TNRC6B: variants seen among roughly 807,000 people sequenced by gnomAD.
TNRC6B encodes the protein trinucleotide repeat containing adaptor 6B.
A neutral mutation model predicts 203.6 loss-of-function variants in TNRC6B; 52 were observed. That is an observed-to-expected ratio of 0.26 (90% CI 0.20 to 0.32). The LOEUF is 0.32. Among genes scored for constraint, TNRC6B ranks in the 10% least tolerant of loss-of-function variants. The pLI, the probability that TNRC6B is intolerant of heterozygous loss-of-function variation, is 1.00. For missense variants in TNRC6B, 1,923 were observed against 2,286.2 expected, an observed-to-expected ratio of 0.84 and a Z score of 3.24; for synonymous variants, 838 against 845.7, an observed-to-expected ratio of 0.99 and a Z score of 0.16.
At chr22:40,251,091 T>A in intron 2 of TNRC6B, 88 bp from the exon 3 acceptor site, 1 of 1,129,862 alleles carries the variant, frequency 8.9e-7, no homozygotes, top group Non-Finnish European at 1.2e-6. Flanking sequence ...CAGCTTGGAT[T>A]ACTTGAGTTA....
chr22:40,277,191 T>C, intron 8 of TNRC6B, 40 bp downstream of exon 8: 1 of 1,493,564 alleles, frequency 6.7e-7, no homozygotes, highest in Non-Finnish European at 9.2e-7. Flanking sequence ...GTATCCCAAC[T>C]TTTAGGTTTA....
intron 1 of TNRC6B, among the ~76,000 whole-genome samples, chr22:40,078,715 C>T (rs1373243913): frequency 6.6e-6 from 1 of 151,906 alleles, no homozygotes; most frequent in Non-Finnish European, 1.5e-5. Flanking sequence ...GCCTCAGCCT[C>T]CCAAATAGCT....
chr22:40,206,528 T>C (rs1305605523), intron 1 of TNRC6B, among the ~76,000 whole-genome samples: 2 of 152,230 alleles, frequency 1.3e-5, no homozygotes, highest in Non-Finnish European at 2.9e-5. Context: ...AATTGGTATA[T>C]AAATTCAAAG....
intron 3 of TNRC6B, among the ~76,000 whole-genome samples, chr22:40,138,876 G>A (rs1371763109): frequency 6.6e-6 from 1 of 152,014 alleles, no homozygotes; most frequent in Non-Finnish European, 1.5e-5. Flanking sequence ...TAAAAATAAA[G>A]GTAAATTAAG....
chr22:40,103,789 T>G (rs939603797), intron 1 of TNRC6B, among the ~76,000 whole-genome samples: 1 of 150,724 alleles, frequency 6.6e-6, no homozygotes, highest in African/African-American at 2.4e-5. Context: ...ATTATAGGCA[T>G]GTGCCACCAC....
intron 3 of TNRC6B, among the ~76,000 whole-genome samples, chr22:40,132,480 C>G (rs1315568953): frequency 6.9e-6 from 1 of 144,626 alleles, no homozygotes; most frequent in Non-Finnish European, 1.5e-5. Context: ...AACTCCATCT[C>G]AATAAAGGCG....
Position 40,266,716 on chromosome 22 carries a change from C to G in TNRC6B, c.2486C>G (p.Pro829Arg), listed in dbSNP as rs758681855. 6.2e-7 allele frequency: 1 copy of G among 1,613,966 alleles called. No individual in the cohort carries two copies. Among genetic ancestry groups the G allele is most frequent in the South Asian group, 1.1e-5 (1 of 91,080 alleles). The change falls in exon 5 of 23, where the codon CCG (proline) becomes CGG (arginine). Residue 829 changes from proline to arginine, a missense_variant. Transcript: ENST00000454349. ...QHQQQQPPQQ[P>R]PPPQPEASGS... is the part of the protein sequence containing the mutation. ...CAACAGCAGCAGCCCCCACAGCAGC[C>G]GCCGCCACCACAACCAGAGGCTTCT...
intron 3 of TNRC6B, among the ~76,000 whole-genome samples, chr22:40,136,863 TATC>T (rs2068604224): frequency 6.6e-6 from 1 of 152,198 alleles, no homozygotes; most frequent in Admixed American, 6.5e-5. Flanking sequence ...AATATAACAT[TATC>T]ATTATCAAAG....
intron 3 of TNRC6B, among the ~76,000 whole-genome samples, chr22:40,153,970 GCTTT>G (rs766833688): frequency 2.9e-4 from 44 of 150,500 alleles, no homozygotes; most frequent in East Asian, 1.7e-3. Flanking sequence ...GAAATTATTG[GCTTT>G]CTTTATTTTT....
chr22:40,297,950 G>A lies in TNRC6B; in HGVS notation c.3709-2505G>A, dbSNP rs532722673. 1.7e-4 allele frequency among the ~76,000 whole-genome samples: 26 copies of A among 151,662 alleles called. 1 individual carries two copies. The highest frequency in any genetic ancestry group is 6.8e-3 in the Middle Eastern group (2 of 292). On this transcript the variant is annotated intron_variant, in intron 12 of 22. Transcript: ENST00000454349. Reference sequence around the variant, plus strand: ...ATCCTGGCTAACATGGTGAAACCCCGTCTCTACTAAAAAAAATACAAAAAA... The same window carrying A: ...ATCCTGGCTAACATGGTGAAACCCCATCTCTACTAAAAAAAATACAAAAAA...
chr22:40,320,914 G>C (rs1310706810), intron 21 of TNRC6B, among the ~76,000 whole-genome samples, 176 bp from the exon 22 acceptor site: 2 of 152,144 alleles, frequency 1.3e-5, no homozygotes, highest in Non-Finnish European at 2.9e-5. Flanking sequence ...ACTCCCACCT[G>C]TTTATCTCTT....
At chr22:40,224,416 T>C (rs1369806648) in intron 1 of TNRC6B, among the ~76,000 whole-genome samples, 1 of 152,174 alleles carries the variant, frequency 6.6e-6, no homozygotes, top group Non-Finnish European at 1.5e-5. Context: ...CCTTCACCCA[T>C]TTTTCTTTTG....
intron 1 of TNRC6B, among the ~76,000 whole-genome samples, chr22:40,093,593 G>A (rs754993436): frequency 2.0e-5 from 3 of 152,314 alleles, no homozygotes; most frequent in East Asian, 1.9e-4. Flanking sequence ...ACAATTCATC[G>A]TCAAAGTGCT....
At chr22:40,108,676 T>C (rs2068307485) in intron 1 of TNRC6B, among the ~76,000 whole-genome samples, 1 of 152,214 alleles carries the variant, frequency 6.6e-6, no homozygotes, top group Non-Finnish European at 1.5e-5. Context: ...CTGTTGTTGC[T>C]CAAGCTAGAC....
chr22:40,175,619 C>T (rs554959653), upstream of TNRC6B, among the ~76,000 whole-genome samples: 1 of 152,132 alleles, frequency 6.6e-6, no homozygotes, highest in Non-Finnish European at 1.5e-5. Flanking sequence ...ACAAATCGAG[C>T]CAGCTACAAG....
At chr22:40,219,591 G>A (rs1344814693) in intron 1 of TNRC6B, among the ~76,000 whole-genome samples, 1 of 152,158 alleles carries the variant, frequency 6.6e-6, no homozygotes, top group East Asian at 1.9e-4. Flanking sequence ...TTTGGCTGAG[G>A]AAATTGGTGT....
Position 40,334,066 on chromosome 22 carries a change from ATTTATTTTG to A in TNRC6B, c.*10831_*10839del, listed in dbSNP as rs1310251185. 6.6e-6 allele frequency: 1 copy of A among 152,444 alleles called. No homozygotes were observed. 9.4% of individuals were successfully genotyped at this position (152,444 alleles called of 1,614,324 possible). On this transcript the variant is annotated 3_prime_UTR_variant, in exon 23 of 23. Transcript: ENST00000454349. ...TGGGCACTGTTCACCTTGGAATTTT[ATTTATTTTG>A]TTTATCTGGAGGCCCTTTTTCTATC...
intron 1 of TNRC6B, among the ~76,000 whole-genome samples, chr22:40,048,807 TTTCCTTCC>T (rs546126130): frequency 6.6e-6 from 1 of 151,916 alleles, no homozygotes; most frequent in Non-Finnish European, 1.5e-5. Flanking sequence ...CTCTTTTCTT[TTTCCTTCC>T]TTCCTTCCTT....
intron 1 of TNRC6B, among the ~76,000 whole-genome samples, chr22:40,065,153 T>C (rs984298595): frequency 3.9e-5 from 6 of 151,970 alleles, no homozygotes; most frequent in Non-Finnish European, 7.4e-5. Flanking sequence ...TGATATTAAT[T>C]TTTCTTTAAA....
Sources: gnomAD v4.1 joint callset for allele counts (sites outside exome capture counted in the v4.1 genomes callset) on GRCh38, gnomAD v4.1.1 for gene constraint, MANE v1.5 for transcripts, NCBI Gene and HGNC (gene_info 2026-07-23, HGNC 2026-07-21) for gene names.